Variants in CDH4 observed in about 807,000 individuals in gnomAD.
CDH4 encodes cadherin 4, also known as cadherin-4.
Under a neutral mutation model 86.0 loss-of-function variants are expected in CDH4, and 33 were observed. That is an observed-to-expected ratio of 0.38 (90% CI 0.29 to 0.51). The LOEUF is 0.51. Among genes scored for constraint, CDH4 ranks in the 20% least tolerant of loss-of-function variants. CDH4 has a pLI of 0.86. For missense variants in CDH4, 1,114 were observed against 1,307.4 expected (o/e 0.85, Z 2.28); for synonymous variants, 555 against 549.4 (o/e 1.01, Z -0.14).
At chr20:61,594,605 C>T (rs903115563) in intron 2 of CDH4, among the ~76,000 whole-genome samples, 4 of 152,170 alleles carry the variant, frequency 2.6e-5, no homozygotes, top group African/African-American at 7.2e-5. Context: ...CACCTGCTGC[C>T]GCCTTTTTCT....
chr20:61,564,235 G>A (rs147920881), intron 2 of CDH4, among the ~76,000 whole-genome samples: 3,135 of 152,216 alleles, frequency 0.021, 51 homozygotes, highest in South Asian at 0.033. Context: ...GAGGTTCCTG[G>A]TGGACGTGAA....
At chr20:61,890,286 G>A (rs1205360170) in intron 7 of CDH4, among the ~76,000 whole-genome samples, 2 of 151,552 alleles carry the variant, frequency 1.3e-5, no homozygotes, top group South Asian at 2.1e-4. Context: ...GTAGATGGTG[G>A]ATGATAGAAG....
At chr20:61,285,600 T>C (rs150929254) in intron 2 of CDH4, among the ~76,000 whole-genome samples, 22 of 152,322 alleles carry the variant, frequency 1.4e-4, no homozygotes, top group Middle Eastern at 6.8e-3. Flanking sequence ...ACTATAATAA[T>C]GAAAGATAAA....
At chr20:61,809,776 C>T (rs1187986793) in intron 4 of CDH4, among the ~76,000 whole-genome samples, 1 of 152,214 alleles carries the variant, frequency 6.6e-6, no homozygotes, top group African/African-American at 2.4e-5. Context: ...GAAGGCAGAA[C>T]CTTCCATACT....
At chr20:61,348,886 A>G (rs2084694458) in intron 2 of CDH4, among the ~76,000 whole-genome samples, 1 of 152,212 alleles carries the variant, frequency 6.6e-6, no homozygotes, top group African/African-American at 2.4e-5. Flanking sequence ...CAGGGTCTCT[A>G]AAAGTTCTTG....
rs1057026816 is a variant in CDH4, at chr20:61,647,288, C to T, written c.170-96275C>T. Among the ~76,000 whole-genome samples, 7 of 152,278 alleles carry T rather than the reference C, an allele frequency of 4.6e-5. No individual in the cohort carries two copies. The South Asian group carries it at 6.2e-4, about 14-fold the overall frequency. On this transcript the variant is annotated intron_variant, in intron 2 of 15. Coordinates refer to ENST00000614565, the MANE Select transcript of CDH4 (RefSeq NM_001794.5). ...GTCCCCTTGCAGACACCCTTCCTTG[C>T]GGGTGGTACCTGGCTGTCTGCCTGG... is the stretch of plus-strand genomic sequence containing the variant.
intron 2 of CDH4, among the ~76,000 whole-genome samples, chr20:61,571,037 T>C (rs993853824): frequency 1.3e-5 from 2 of 152,192 alleles, no homozygotes; most frequent in Non-Finnish European, 2.9e-5. Flanking sequence ...AGCTGTTACC[T>C]GGCTCATCTC....
Position 61,527,141 on chromosome 20 carries a change from C to A in CDH4, c.170-216422C>A, listed in dbSNP as rs560289885. On this transcript the variant is annotated intron_variant, in intron 2 of 15. Transcript: ENST00000614565. The stretch of plus-strand genomic sequence containing the variant: ...AAGTGAACAGATTGTCAGCCTACCC[C>A]TCTGCACTTTGACAAGAGAATCACA... 1.2e-4 allele frequency among the ~76,000 whole-genome samples: 18 copies of A among 152,392 alleles called. No individual in the cohort carries two copies. In the South Asian group the frequency reaches 2.5e-3, roughly 21 times the overall value.
chr20:61,727,394 C>T (rs573765624), intron 2 of CDH4, among the ~76,000 whole-genome samples: 67 of 152,218 alleles, frequency 4.4e-4, no homozygotes, highest in Non-Finnish European at 6.9e-4. Flanking sequence ...TCTCTTATCA[C>T]CATTGCTGCC....
chr20:61,419,126 A>T (rs1038640560), intron 2 of CDH4, among the ~76,000 whole-genome samples: 2 of 152,096 alleles, frequency 1.3e-5, no homozygotes, highest in African/African-American at 4.8e-5. Flanking sequence ...TTGTCCATGG[A>T]GAAAGGCCTC....
chr20:61,519,512 C>A (rs561334738), intron 2 of CDH4, among the ~76,000 whole-genome samples: 2 of 152,332 alleles, frequency 1.3e-5, no homozygotes, highest in South Asian at 4.1e-4. Flanking sequence ...CCTTAAGCCT[C>A]ACGGTACATT....
intron 2 of CDH4, among the ~76,000 whole-genome samples, chr20:61,659,372 G>C (rs67455685): frequency 0.33 from 50,163 of 151,954 alleles, 9,950 homozygotes; most frequent in Non-Finnish European, 0.45. Context: ...AGAAAAAGAA[G>C]AAAATGAAAA....
In CDH4 at chr20:61,587,190, CG is replaced by C. The variant is rs546475613; in HGVS notation, c.170-156369del. ...AGGACAAGGAGGAAGCCTCCAGGCTCGGGGCAGGGGAGAGTGGGAAACCCAC... is the reference window on the plus strand; with the variant it reads ...AGGACAAGGAGGAAGCCTCCAGGCTCGGGCAGGGGAGAGTGGGAAACCCAC... On this transcript the variant is annotated intron_variant, in intron 2 of 15. Transcript: ENST00000614565. 8.5e-5 allele frequency among the ~76,000 whole-genome samples: 13 copies of C among 152,258 alleles called. No individual in the cohort carries two copies. The South Asian group carries it at 2.7e-3, about 32-fold the overall frequency.
chr20:61,323,784 T>A lies in CDH4; in HGVS notation c.169+68847T>A, dbSNP rs1193905328. ...GGGCCTCTCATCTTGCCGTCACCTTTAGTACATGCAAAATGGGTTTGTTTT... is the reference window on the plus strand; with the variant it reads ...GGGCCTCTCATCTTGCCGTCACCTTAAGTACATGCAAAATGGGTTTGTTTT... On this transcript the variant is annotated intron_variant, in intron 2 of 15. Coordinates refer to ENST00000614565, the MANE Select transcript of CDH4 (RefSeq NM_001794.5). Among the ~76,000 whole-genome samples, 4 of 152,276 alleles carry A rather than the reference T, an allele frequency of 2.6e-5. No homozygotes were observed. The East Asian group carries it at 7.7e-4, about 29-fold the overall frequency.
intron 2 of CDH4, among the ~76,000 whole-genome samples, chr20:61,739,951 C>T (rs1429226084): frequency 2.6e-5 from 4 of 152,232 alleles, no homozygotes; most frequent in African/African-American, 7.2e-5. Context: ...CAGGAGCGTC[C>T]TCTCTGTACA....
At chr20:61,784,896 G>A (rs997080558) in intron 4 of CDH4, among the ~76,000 whole-genome samples, 3 of 152,144 alleles carry the variant, frequency 2.0e-5, no homozygotes, top group African/African-American at 4.8e-5. Context: ...CCTGGCTATG[G>A]GCAAGTGCAG....
chr20:61,928,443 CG>C lies in CDH4; in HGVS notation c.2005+24del. Reference sequence around the variant, plus strand: ...TGAACGGTGAGCCCGCCTTAGGCCACGGGGAGGGTCAGACTAGCCTGGGGTG... The same window carrying C: ...TGAACGGTGAGCCCGCCTTAGGCCACGGGAGGGTCAGACTAGCCTGGGGTG... On this transcript the variant is annotated intron_variant, in intron 12 of 15. Transcript: ENST00000614565. 1 of 1,604,950 alleles carries C rather than the reference CG, an allele frequency of 6.2e-7. No individual in the cohort carries two copies.
At chr20:61,686,742 T>C (rs2087583365) in intron 2 of CDH4, among the ~76,000 whole-genome samples, 1 of 151,884 alleles carries the variant, frequency 6.6e-6, no homozygotes, top group South Asian at 2.1e-4. Flanking sequence ...TGCGTGTGTG[T>C]GCATATGTGT....
At position 61,647,984 on chromosome 20, in the gene CDH4, G is replaced by A. The variant is rs1600837484; in HGVS notation, c.170-95579G>A. On this transcript the variant is annotated intron_variant, in intron 2 of 15. Coordinates refer to ENST00000614565, the MANE Select transcript of CDH4 (RefSeq NM_001794.5). ...GTGGGGGATGGACACAGGTTGGCCG[G>A]CAGGAACCCTGACTGCTGGGTGCCA... 3.3e-5 allele frequency among the ~76,000 whole-genome samples: 5 copies of A among 152,308 alleles called. No individual in the cohort carries two copies. The South Asian group carries it at 1.0e-3, about 32-fold the overall frequency.
Sources: allele counts gnomAD v4.1 joint callset (sites outside exome capture counted in the v4.1 genomes callset), GRCh38; gene constraint gnomAD v4.1.1; transcripts MANE v1.5; gene names NCBI Gene and HGNC (gene_info 2026-07-23, HGNC 2026-07-21).